Variants in LSG1 observed in about 807,000 individuals in gnomAD.
LSG1 encodes the protein large subunit GTPase 1 homolog.
Under a neutral mutation model 82.6 loss-of-function variants are expected in LSG1, and 55 were observed. The ratio of observed to expected loss-of-function variants is 0.67; its 90% CI spans 0.54 to 0.83. The LOEUF is 0.83. Ranked by LOEUF, LSG1 falls within the 40% of genes least tolerant of loss-of-function variation. LSG1 has a pLI of 0.00. For synonymous variants in LSG1, 272 were observed against 282.5 expected (o/e 0.96, Z 0.37); for missense variants, 809 against 807.9 (o/e 1.00, Z -0.02).
intron 8 of LSG1, among the ~76,000 whole-genome samples, chr3:194,652,468 G>T (rs1431583689): frequency 2.0e-5 from 3 of 152,168 alleles, no homozygotes; most frequent in African/African-American, 4.8e-5. Context: ...CACACGGCAG[G>T]AAAAGCTGAA....
At chr3:194,661,383 A>G (rs1675946) in intron 5 of LSG1, among the ~76,000 whole-genome samples, 98,999 of 152,118 alleles carry the variant, frequency 0.65, 32,868 homozygotes, top group East Asian at 0.87. Context: ...GTTTACATAC[A>G]GAACATGTAG....
chr3:194,647,273 T>C (rs955999852), intron 11 of LSG1, among the ~76,000 whole-genome samples: 1 of 152,172 alleles, frequency 6.6e-6, no homozygotes, highest in Non-Finnish European at 1.5e-5. Flanking sequence ...TCTATTAAAA[T>C]TGTCAACTTC....
At chr3:194,657,035 T>C (rs1171503388) in intron 7 of LSG1, among the ~76,000 whole-genome samples, 1 of 151,976 alleles carries the variant, frequency 6.6e-6, no homozygotes, top group Non-Finnish European at 1.5e-5. Flanking sequence ...CATTAGGAGA[T>C]ATACCTAATG....
intron 7 of LSG1, 137 bp downstream of exon 7, chr3:194,658,820 T>C: frequency 2.3e-6 from 2 of 874,872 alleles, no homozygotes; most frequent in Non-Finnish European, 3.6e-6. Flanking sequence ...CTATAGGTCA[T>C]CCTAATCCAG....
chr3:194,665,567 T>C lies in LSG1; in HGVS notation c.511A>G (p.Ile171Val), dbSNP rs768756145. The C allele has an allele frequency of 9.3e-6, 15 of 1,608,556 alleles. No homozygotes were observed. The African/African-American group carries it at 2.0e-4, about 22-fold the overall frequency. Reference sequence around the variant, plus strand: ...AAAATGATAATTCACCTTCTCTCAATGACTCTCCAGAGCTGGCGCCAAAAG... The same window carrying C: ...AAAATGATAATTCACCTTCTCTCAACGACTCTCCAGAGCTGGCGCCAAAAG... ...LDFWRQLWRV[I>V]ERSDIVVQIV... Residue 171 changes from isoleucine (I) to valine (V), a missense_variant, in exon 5 of 14, where the codon ATT (isoleucine) becomes GTT (valine). Physicochemically the swap from Ile to Val is conservative, Grantham distance 29. Transcript: ENST00000265245.
chr3:194,657,695 C>T (rs1718825575), intron 7 of LSG1, among the ~76,000 whole-genome samples: 1 of 152,078 alleles, frequency 6.6e-6, no homozygotes. Flanking sequence ...GACAGGCACC[C>T]AGGATGGGTG....
intron 12 of LSG1, 39 bp from the exon 13 acceptor site, chr3:194,644,785 T>C (rs2108614444): frequency 6.5e-7 from 1 of 1,542,674 alleles, no homozygotes; most frequent in South Asian, 1.2e-5. Context: ...GCAGCCTAAG[T>C]GCCATCTGTG....
intron 7 of LSG1, 110 bp from the exon 8 acceptor site, chr3:194,653,252 A>T (rs1011458789): frequency 8.7e-7 from 1 of 1,154,028 alleles, no homozygotes; most frequent in Non-Finnish European, 1.2e-6. Flanking sequence ...TGGTGGCTCA[A>T]GCCTGTAATC....
chr3:194,657,866 A>G (rs1202541038), intron 7 of LSG1, among the ~76,000 whole-genome samples: 3 of 152,188 alleles, frequency 2.0e-5, no homozygotes, highest in Non-Finnish European at 2.9e-5. Flanking sequence ...GAAACGAGTT[A>G]CCTGGTCTCA....
At position 194,652,805 on chromosome 3, in the gene LSG1, T is replaced by C; in HGVS notation, c.1097A>G (p.Lys366Arg). 1 of 1,614,220 alleles carries C rather than the reference T, an allele frequency of 6.2e-7. No homozygotes were observed. The highest frequency in any genetic ancestry group is 8.5e-7 in the Non-Finnish European group (1 of 1,180,044). Residue 366 changes from lysine (K) to arginine (R), a missense_variant, in exon 8 of 14, where the codon AAG becomes AGG. Transcript: ENST00000265245. ...CTTAAAGAGCTCCAGTAACTCCTGC[T>C]TGGATACCAGATGGCTAAAATTGTG... is the stretch of plus-strand genomic sequence containing the variant. ...QIHNFSHLVS[K>R]QELLELFKEL... is the part of the protein sequence containing the mutation.
Position 194,650,985 on chromosome 3 carries a change from G to A in LSG1, c.1315C>T (p.Pro439Ser), listed in dbSNP as rs1196667641. The change falls in exon 10 of 14, where the codon CCT becomes TCT. Residue 439 changes from proline to serine, a missense_variant. By Grantham distance (74) the Pro-to-Ser change is moderately conservative. Transcript: ENST00000265245. ...ACAAAAGATGGCATCACCAAGCCAG[G>A]ACAGTCACACAGGCAGAGGCCAGGC... ...VEPGLCLCDC[P>S]GLVMPSFVST... is the part of the protein sequence containing the mutation. The A allele has an allele frequency of 6.2e-7, 1 of 1,614,206 alleles. No homozygotes were observed. The highest frequency in any genetic ancestry group is 2.2e-5 in the East Asian group (1 of 44,888).
chr3:194,668,884 G>A (rs1450291216), intron 2 of LSG1, among the ~76,000 whole-genome samples: 7 of 150,546 alleles, frequency 4.6e-5, no homozygotes, highest in African/African-American at 1.5e-4. Context: ...TACAAAAGAG[G>A]GAAATGTTGA....
chr3:194,646,443 A>C (rs1026795983), intron 11 of LSG1, 200 bp from the exon 12 acceptor site: 6 of 471,852 alleles, frequency 1.3e-5, no homozygotes, highest in African/African-American at 4.0e-5. Flanking sequence ...GATATCCTAA[A>C]AATGCCACCT....
At chr3:194,648,924 A>T in intron 10 of LSG1, 120 bp from the exon 11 acceptor site, 1 of 976,302 alleles carries the variant, frequency 1.0e-6, no homozygotes, top group Non-Finnish European at 1.5e-6. Context: ...TCCTCTCCAA[A>T]GGAAGAGGAT....
Position 194,660,076 on chromosome 3 carries a change from A to G in LSG1, c.579T>C (p.Asp193=), listed in dbSNP as rs138491254. 7.4e-6 allele frequency: 12 copies of G among 1,613,734 alleles called. No homozygotes were observed. In the African/African-American group the frequency reaches 1.3e-4, roughly 18 times the overall value. Residue 193 remains aspartate, a synonymous_variant, in exon 6 of 14, where the codon GAT becomes GAC. Transcript: ENST00000265245. ...AATTTTGTCAAACTTGACTTACCAA[A>G]TCCTCACATCTAAACAGGAGTGGGT... The part of the protein sequence containing the change: ...ARNPLLFRCE[D]LECYVKEMDA...
At chr3:194,667,942 A>AAAAAAAAAAAAATATATATATATATATAT (rs1416407494) in intron 2 of LSG1, among the ~76,000 whole-genome samples, 1 of 86,962 alleles carries the variant, frequency 1.1e-5, no homozygotes, top group African/African-American at 4.8e-5. Flanking sequence ...AAAAAAAAAA[A>AAAAAAAAAAAAATATATATATATATATAT]ATATATATAT....
chr3:194,647,605 T>G (rs1349305322), intron 11 of LSG1, among the ~76,000 whole-genome samples: 1 of 152,272 alleles, frequency 6.6e-6, no homozygotes, highest in Non-Finnish European at 1.5e-5. Context: ...TTACTCTGAT[T>G]TTATCAGGCA....
rs577379024 is a variant in LSG1, at chr3:194,654,188, C to G, written c.760-1046G>C. ...AGCACCATGGAGCACACACAGATCC[C>G]TGTGTGTGAAATGTGGCAGCAAAAC... is the stretch of plus-strand genomic sequence containing the variant. On this transcript the variant is annotated intron_variant, in intron 7 of 13. Coordinates refer to ENST00000265245, the MANE Select transcript of LSG1 (RefSeq NM_018385.3). Among the ~76,000 whole-genome samples the G allele has an allele frequency of 3.6e-3, 546 of 151,830 alleles. 5 individuals are homozygous for G. Among genetic ancestry groups the G allele is most frequent in the Middle Eastern group, 0.027 (8 of 294 alleles).
At chr3:194,660,907 T>C in intron 5 of LSG1, 1 of 456,394 alleles carries the variant, frequency 2.2e-6, no homozygotes, top group Non-Finnish European at 4.4e-6. Context: ...AAAAAAAAAT[T>C]CCCTTCTATG....
Sources: gnomAD v4.1 joint callset for allele counts (sites outside exome capture counted in the v4.1 genomes callset) on GRCh38, gnomAD v4.1.1 for gene constraint, MANE v1.5 for transcripts, NCBI Gene and HGNC (gene_info 2026-07-23, HGNC 2026-07-21) for gene names.